GPHN: variants seen among roughly 807,000 people sequenced by gnomAD.
The protein encoded by GPHN is gephyrin.
In GPHN, 17 loss-of-function variants were observed where a neutral mutation model predicts 95.5. The ratio of observed to expected loss-of-function variants is 0.18; its 90% CI spans 0.12 to 0.27. The LOEUF (loss-of-function observed/expected upper bound fraction) is 0.27, where lower values mean the gene tolerates loss of function less well. GPHN is among the 10% of genes least tolerant of loss of function. The pLI is 1.00. For missense variants in GPHN, 660 were observed against 978.1 expected, an observed-to-expected ratio of 0.67 and a Z score of 4.34; for synonymous variants, 320 against 322.5, an observed-to-expected ratio of 0.99 and a Z score of 0.08.
chr14:66,902,428 T>A (rs923602016), intron 5 of GPHN, among the ~76,000 whole-genome samples: 1 of 152,064 alleles, frequency 6.6e-6, no homozygotes, highest in Non-Finnish European at 1.5e-5. Context: ...ACAGTGAAGA[T>A]CCTTGTTTTG....
At chr14:67,279,200 T>C in the GPHN span, 1 of 1,609,058 alleles carries the variant, frequency 6.2e-7, no homozygotes, top group Non-Finnish European at 8.5e-7. Context: ...ATGGGCATGT[T>C]ACAGAGGAAT....
chr14:66,713,798 T>C (rs765018071), intron 2 of GPHN, among the ~76,000 whole-genome samples: 2 of 152,126 alleles, frequency 1.3e-5, no homozygotes, highest in African/African-American at 2.4e-5. Context: ...AGACGGAGTC[T>C]CTCTCTGTTG....
chr14:66,529,083 A>G (rs756504231), intron 1 of GPHN, among the ~76,000 whole-genome samples: 6 of 152,054 alleles, frequency 3.9e-5, no homozygotes, highest in Non-Finnish European at 7.4e-5. Context: ...CATTCTCCCC[A>G]TCACTTTCAT....
chr14:67,585,604 T>C, the GPHN span: 1 of 1,585,340 alleles, frequency 6.3e-7, no homozygotes, highest in Non-Finnish European at 8.6e-7. Context: ...CGCTCTGGTG[T>C]GGATTGCTGT....
the GPHN span, among the ~76,000 whole-genome samples, chr14:67,522,914 T>A: frequency 6.6e-6 from 1 of 152,266 alleles, no homozygotes; most frequent in African/African-American, 2.4e-5. Flanking sequence ...CCAGAGACTC[T>A]ATCTTGTCCG....
rs868591956 is a variant in GPHN at position 66,972,270 on chromosome 14, A to G, written c.963+6945A>G. On this transcript the variant is annotated intron_variant, in intron 9 of 22. Coordinates refer to ENST00000478722, the MANE Select transcript of GPHN (RefSeq NM_020806.5). ...GCAAAAGAGCAAGAGTCTGTCTCAA[A>G]AAAAAAAAAAAAAAGAAAGAAAAAA... Among the ~76,000 whole-genome samples, 75 of 131,850 alleles carry G rather than the reference A, an allele frequency of 5.7e-4. 1 individual carries two copies. The Middle Eastern group carries it at 0.014, about 25-fold the overall frequency. The allele number at this position is 131,850 out of a possible 152,430, so 86.5% of individuals were successfully genotyped here.
rs546488388 is a variant in GPHN at position 66,717,845 on chromosome 14, C to G, written c.143+36660C>G. Reference sequence around the variant, plus strand: ...TACTAGGGGTTGTCTGCACAGAGTCCTGTGATGTGAACCGTCTATGGGTCT... The same window carrying G: ...TACTAGGGGTTGTCTGCACAGAGTCGTGTGATGTGAACCGTCTATGGGTCT... On this transcript the variant is annotated intron_variant, in intron 2 of 22. Coordinates refer to ENST00000478722, the MANE Select transcript of GPHN (RefSeq NM_020806.5). Among the ~76,000 whole-genome samples, 460 of 152,318 alleles carry G rather than the reference C, an allele frequency of 3.0e-3. 5 individuals are homozygous for G. The highest frequency in any genetic ancestry group is 3.2e-3 in the Non-Finnish European group (217 of 68,022).
intron 1 of GPHN, among the ~76,000 whole-genome samples, chr14:66,625,198 C>A (rs1300885252): frequency 6.6e-6 from 1 of 152,084 alleles, no homozygotes; most frequent in Non-Finnish European, 1.5e-5. Context: ...CTCTCCTTAG[C>A]CTCCCATGTA....
chr14:66,716,442 C>CATT (rs2070188465), intron 2 of GPHN, among the ~76,000 whole-genome samples: 1 of 131,958 alleles, frequency 7.6e-6, no homozygotes, highest in African/African-American at 3.8e-5. Flanking sequence ...AATTCTTATC[C>CATT]ATTCTGCAGT....
chr14:67,735,101 G>A, the GPHN span: 1 of 761,090 alleles, frequency 1.3e-6, no homozygotes, highest in Non-Finnish European at 2.4e-6. Context: ...GAGCAGCAAA[G>A]AATGCAAAAG....
At chr14:66,816,415 T>C (rs1261466562) in intron 3 of GPHN, among the ~76,000 whole-genome samples, 1 of 152,132 alleles carries the variant, frequency 6.6e-6, no homozygotes, top group Non-Finnish European at 1.5e-5. Context: ...AAAACGCTCT[T>C]GAGGAAATAC....
intron 1 of GPHN, among the ~76,000 whole-genome samples, chr14:66,594,265 AC>A (rs1477496853): frequency 6.6e-6 from 1 of 151,762 alleles, no homozygotes; most frequent in Non-Finnish European, 1.5e-5. Flanking sequence ...ATTCCATGCA[AC>A]CCCCGTCAAA....
At chr14:67,643,869 AAAAAAAAAAAAAAG>A in the GPHN span, among the ~76,000 whole-genome samples, 1 of 117,698 alleles carries the variant, frequency 8.5e-6, no homozygotes, top group South Asian at 3.7e-4. Flanking sequence ...AAAAAAAAAA[AAAAAAAAAAAAAAG>A]ACTCAGGTTG....
At chr14:67,045,988 A>G (rs1567251621) in intron 10 of GPHN, among the ~76,000 whole-genome samples, 1 of 152,160 alleles carries the variant, frequency 6.6e-6, no homozygotes, top group Non-Finnish European at 1.5e-5. Flanking sequence ...TGGATACCTC[A>G]TAGATATTAC....
the GPHN span, among the ~76,000 whole-genome samples, chr14:67,672,300 G>A: frequency 1.3e-5 from 2 of 151,486 alleles, no homozygotes; most frequent in African/African-American, 2.4e-5. Context: ...TTTATTTTTT[G>A]TAGAGATGAG....
At chr14:67,533,148 G>T in the GPHN span, among the ~76,000 whole-genome samples, 1 of 152,246 alleles carries the variant, frequency 6.6e-6, no homozygotes, top group African/African-American at 2.4e-5. Flanking sequence ...GAGCCGAGGG[G>T]AGGAGGGCGC....
chr14:67,587,291 A>G, the GPHN span: 4 of 1,595,592 alleles, frequency 2.5e-6, no homozygotes, highest in Non-Finnish European at 3.4e-6. Flanking sequence ...TTAGAGATAT[A>G]TATCCTAGGG....
chr14:66,640,034 A>G (rs1230975586), intron 1 of GPHN, among the ~76,000 whole-genome samples: 1 of 152,298 alleles, frequency 6.6e-6, no homozygotes, highest in South Asian at 2.1e-4. Context: ...AGGCATTTAT[A>G]ATAAAGAAGC....
chr14:66,691,068 A>G (rs1380190750), intron 2 of GPHN, among the ~76,000 whole-genome samples: 1 of 152,180 alleles, frequency 6.6e-6, no homozygotes, highest in African/African-American at 2.4e-5. Flanking sequence ...TAGGCTGGGT[A>G]CAGTGGCTCA....
Sources: gnomAD v4.1 joint callset for allele counts (sites outside exome capture counted in the v4.1 genomes callset) on GRCh38, gnomAD v4.1.1 for gene constraint, MANE v1.5 for transcripts, NCBI Gene and HGNC (gene_info 2026-07-23, HGNC 2026-07-21) for gene names.